Variants in FCN2 observed in about 807,000 individuals in gnomAD.
The protein encoded by FCN2 is ficolin 2.
A neutral mutation model predicts 32.5 loss-of-function variants in FCN2; 31 were observed. The ratio of observed to expected loss-of-function variants is 0.96; its 90% confidence interval spans 0.72 to 1.29. The LOEUF (loss-of-function observed/expected upper bound fraction) is 1.29. Ranked by LOEUF, FCN2 falls within the 50% of genes most tolerant of loss-of-function variation. The pLI, the probability that FCN2 is intolerant of heterozygous loss-of-function variation, is 0.00. For missense variants in FCN2, 412 were observed against 406.5 expected, an observed-to-expected ratio of 1.01 and a Z score of -0.12; for synonymous variants, 181 against 164.5, an observed-to-expected ratio of 1.10 and a Z score of -0.77.
rs529779645 is a variant in FCN2 at position 134,885,239 on chromosome 9, G to A, written c.302G>A (p.Gly101Asp). The change falls in exon 5 of 8, where the codon GGC (glycine) becomes GAC (aspartate). Residue 101 changes from glycine to aspartate, a missense_variant and splice_region_variant. Transcript: ENST00000291744. ...APGEPQPCLTGPRTCKDLLDR... is the reference protein window; with the variant it reads ...APGEPQPCLTDPRTCKDLLDR... ...GCCATTCCCCGGGTTCCCTTCCCAG[G>A]CCCGCGTACCTGCAAGGACCTGCTA... is the stretch of plus-strand genomic sequence containing the variant. 11 of 1,614,058 alleles carry A rather than the reference G, an allele frequency of 6.8e-6. No individual in the cohort carries two copies. In the East Asian group the frequency reaches 2.2e-4, roughly 33 times the overall value.
At chr9:134,869,947 G>C in the FCN2 span, among the ~76,000 whole-genome samples, 5 of 151,958 alleles carry the variant, frequency 3.3e-5, no homozygotes, top group East Asian at 5.9e-4. Context: ...GGAGGGGGGG[G>C]CCCACAAATT....
chr9:134,870,584 C>G, the FCN2 span, among the ~76,000 whole-genome samples: 1 of 152,156 alleles, frequency 6.6e-6, no homozygotes. This position sits in a 1 kb window ranked among gnomAD's most constrained non-coding sequence, Gnocchi z 4.3. Flanking sequence ...TACTGAGCCC[C>G]AAGCAGCCAC....
the FCN2 span, among the ~76,000 whole-genome samples, chr9:134,867,991 C>G: frequency 6.6e-6 from 1 of 152,178 alleles, no homozygotes; most frequent in Non-Finnish European, 1.5e-5. Flanking sequence ...TGTTACTATC[C>G]CCACTTGGCA....
chr9:134,881,492 G>A lies in FCN2; in HGVS notation c.100+571G>A, dbSNP rs950923310. Among the ~76,000 whole-genome samples, 16 of 152,132 alleles carry A rather than the reference G, an allele frequency of 1.1e-4. 1 individual carries two copies. The highest frequency in any genetic ancestry group is 8.5e-4 in the Admixed American group (13 of 15,278). On this transcript the variant is annotated intron_variant, in intron 1 of 7. Transcript: ENST00000291744. ...CTTCGGGGCTCCCGAGGGGACACTC[G>A]GGTGCCAAACCATGGGCTCCGGCGC...
the FCN2 span, among the ~76,000 whole-genome samples, chr9:134,870,926 C>T: frequency 3.3e-5 from 5 of 152,158 alleles, no homozygotes; most frequent in African/African-American, 7.2e-5. The surrounding 1 kb of genome is among the most constrained non-coding windows in gnomAD (Gnocchi z 4.3). Flanking sequence ...GCACTGGGCT[C>T]GGCGGTGCCC....
chr9:134,886,365 C>T, intron 6 of FCN2, 65 bp from the exon 7 acceptor site: 1 of 1,598,424 alleles, frequency 6.3e-7, no homozygotes, highest in Non-Finnish European at 8.6e-7. Context: ...TGCCCCAGAT[C>T]CCCAGCTCCC....
the FCN2 span, among the ~76,000 whole-genome samples, chr9:134,871,542 C>T: frequency 6.6e-6 from 1 of 152,246 alleles, no homozygotes; most frequent in African/African-American, 2.4e-5. Context: ...CTGTTCTTCA[C>T]CCCTCTCTGG....
At chr9:134,886,162 G>A (rs191514858) in intron 6 of FCN2, among the ~76,000 whole-genome samples, 23 of 152,306 alleles carry the variant, frequency 1.5e-4, no homozygotes, top group Non-Finnish European at 3.1e-4. Context: ...AGAGGGGAAG[G>A]AGGGACACAG....
chr9:134,869,378 C>T, the FCN2 span, among the ~76,000 whole-genome samples: 3 of 152,228 alleles, frequency 2.0e-5, no homozygotes, highest in Non-Finnish European at 4.4e-5. Flanking sequence ...CCCACAAAAC[C>T]GTGGGTTGCA....
chr9:134,885,136 C>T (rs1455563547), intron 4 of FCN2, 103 bp from the exon 5 acceptor site: 8 of 1,497,746 alleles, frequency 5.3e-6, no homozygotes, highest in Non-Finnish European at 6.4e-6. Context: ...TCTGTTCATA[C>T]AGACGCCTAT....
Position 134,885,269 on chromosome 9 carries a change from G to A in FCN2, c.332G>A (p.Arg111Gln), listed in dbSNP as rs750452158. ...CGTACCTGCAAGGACCTGCTAGACC[G>A]AGGGCACTTCCTGAGCGGCTGGCAC... ...GPRTCKDLLD[R>Q]GHFLSGWHTI... Residue 111 changes from arginine to glutamine, a missense_variant, in exon 5 of 8, where the codon CGA becomes CAA. Coordinates refer to ENST00000291744, the MANE Select transcript of FCN2 (RefSeq NM_004108.3). The A allele has an allele frequency of 1.1e-5, 18 of 1,614,012 alleles. No individual in the cohort carries two copies. Among genetic ancestry groups the A allele is most frequent in the African/African-American group, 4.0e-5 (3 of 74,934 alleles).
the FCN2 span, among the ~76,000 whole-genome samples, chr9:134,873,502 T>G: frequency 6.6e-6 from 1 of 152,168 alleles, no homozygotes. Flanking sequence ...TGCTCCCCAT[T>G]TAGAAGGACC....
upstream of FCN2, among the ~76,000 whole-genome samples, chr9:134,875,836 C>CAG (rs1830599511): frequency 6.6e-6 from 1 of 152,150 alleles, no homozygotes; most frequent in Non-Finnish European, 1.5e-5. Context: ...GAGACCTTAG[C>CAG]AGAGAACCCC....
chr9:134,868,930 C>A, the FCN2 span, among the ~76,000 whole-genome samples: 6 of 152,240 alleles, frequency 3.9e-5, no homozygotes, highest in African/African-American at 1.4e-4. This position sits in a 1 kb window ranked among gnomAD's most constrained non-coding sequence, Gnocchi z 4.3. Context: ...ATCGGCACAG[C>A]CATGCCCATG....
chr9:134,880,269 G>A (rs72551119), upstream of FCN2, among the ~76,000 whole-genome samples: 365 of 152,228 alleles, frequency 2.4e-3, 9 homozygotes, highest in Non-Finnish European at 2.7e-3. Flanking sequence ...GGACACACAC[G>A]CATTTTCCTC....
intron 1 of FCN2, among the ~76,000 whole-genome samples, chr9:134,881,710 G>A (rs3128626): frequency 0.22 from 33,949 of 152,146 alleles, 4,543 homozygotes; most frequent in South Asian, 0.38. Context: ...GGAGCAATCC[G>A]TGGCGTGAAG....
At chr9:134,879,818 C>A (rs55690104), upstream of FCN2, among the ~76,000 whole-genome samples, 22 of 152,276 alleles carry the variant, frequency 1.4e-4, no homozygotes, top group African/African-American at 5.1e-4. Flanking sequence ...GAAGAAGGCA[C>A]CTCGGCATCC....
Position 134,885,384 on chromosome 9 carries a change from C to T in FCN2, c.429+18C>T. Reference sequence around the variant, plus strand: ...GCTGGACCGTGAGTGTGGGGCTGGGCAGAGGCGGTCAGCCTGGGAGTCCCG... The same window carrying T: ...GCTGGACCGTGAGTGTGGGGCTGGGTAGAGGCGGTCAGCCTGGGAGTCCCG... On this transcript the variant is annotated intron_variant, in intron 5 of 7. Transcript: ENST00000291744. 1 of 1,610,684 alleles carries T rather than the reference C, an allele frequency of 6.2e-7. No homozygotes were observed. Among genetic ancestry groups the T allele is most frequent in the Non-Finnish European group, 8.5e-7 (1 of 1,178,572 alleles).
the FCN2 span, among the ~76,000 whole-genome samples, chr9:134,868,041 A>G: frequency 0.054 from 8,156 of 152,268 alleles, 270 homozygotes; most frequent in African/African-American, 0.09. This position sits in a 1 kb window ranked among gnomAD's most constrained non-coding sequence, Gnocchi z 4.3. Flanking sequence ...GTGATCTGCC[A>G]CAGGACACAC....
Sources: allele counts gnomAD v4.1 joint callset (sites outside exome capture counted in the v4.1 genomes callset), GRCh38; gene constraint gnomAD v4.1.1; non-coding constraint Gnocchi (gnomAD v3.1); transcripts MANE v1.5; gene names NCBI Gene and HGNC (gene_info 2026-07-23, HGNC 2026-07-21).